The following PCNX2 variants were observed in gnomAD, a reference collection of about 807,000 sequenced individuals.
The protein encoded by PCNX2 is pecanex-like protein 2.
In PCNX2, 168 loss-of-function variants were observed where a neutral mutation model predicts 223.8. The ratio of observed to expected loss-of-function variants is 0.75; its 90% CI spans 0.66 to 0.85. The LOEUF (loss-of-function observed/expected upper bound fraction) is 0.85, where lower values mean the gene tolerates loss of function less well. PCNX2 is among the 40% of genes least tolerant of loss of function. The pLI, the probability that PCNX2 is intolerant of heterozygous loss-of-function variation, is 0.00. For synonymous variants in PCNX2, 1,006 were observed against 1,052.6 expected, an observed-to-expected ratio of 0.96 and a Z score of 0.86; for missense variants, 2,507 against 2,675.5, an observed-to-expected ratio of 0.94 and a Z score of 1.39.
chr1:233,257,142 C>A (rs1659776103), intron 5 of PCNX2, among the ~76,000 whole-genome samples: 1 of 152,042 alleles, frequency 6.6e-6, no homozygotes, highest in Non-Finnish European at 1.5e-5. Flanking sequence ...CATTAAGTAA[C>A]CTGAAAATAA....
chr1:233,119,644 G>T (rs1243000719), intron 21 of PCNX2, among the ~76,000 whole-genome samples: 1 of 151,158 alleles, frequency 6.6e-6, no homozygotes, highest in Non-Finnish European at 1.5e-5. Flanking sequence ...AATGGCTTAG[G>T]AAACAAACAA....
At chr1:233,109,747 A>C (rs1306855525) in intron 21 of PCNX2, among the ~76,000 whole-genome samples, 1 of 152,250 alleles carries the variant, frequency 6.6e-6, no homozygotes, top group African/African-American at 2.4e-5. Flanking sequence ...GAAGAGGAAG[A>C]GGGCAGAACA....
chr1:233,132,304 C>T (rs773834671), intron 21 of PCNX2, among the ~76,000 whole-genome samples: 1 of 152,140 alleles, frequency 6.6e-6, no homozygotes, highest in Non-Finnish European at 1.5e-5. Context: ...CCATTCTACA[C>T]AGGATGTCGC....
intron 9 of PCNX2, among the ~76,000 whole-genome samples, chr1:233,228,466 C>T (rs576930218): frequency 4.9e-4 from 75 of 152,280 alleles, no homozygotes; most frequent in Admixed American, 1.9e-3. Context: ...AACCTTTCAT[C>T]CTGCAAAACT....
chr1:233,019,652 G>T (rs887562376), intron 26 of PCNX2, among the ~76,000 whole-genome samples: 1 of 152,156 alleles, frequency 6.6e-6, no homozygotes, highest in African/African-American at 2.4e-5. Flanking sequence ...GTGGGACTCA[G>T]AGGGGAGGCA....
At chr1:233,052,952 C>G (rs996819318) in intron 25 of PCNX2, among the ~76,000 whole-genome samples, 2 of 151,844 alleles carry the variant, frequency 1.3e-5, no homozygotes, top group African/African-American at 4.8e-5. Context: ...TTCCACCTCC[C>G]AGTCTCTGGG....
intron 3 of PCNX2, 56 bp from the exon 4 acceptor site, chr1:233,261,377 C>T: frequency 6.5e-7 from 1 of 1,535,410 alleles, no homozygotes; most frequent in Non-Finnish European, 9.0e-7. Context: ...CGTCCATTTC[C>T]AGACAGTCGG....
chr1:233,258,452 G>A lies in PCNX2; in HGVS notation c.1410C>T (p.Tyr470=), dbSNP rs771369510. The stretch of plus-strand genomic sequence containing the variant: ...TGGCATTTCCCCCCTCCCCAGATCC[G>A]TAGCCAGAACACTGATTGGTGGATA... ...TRVSTNQCSG[Y]GSGEGGNAIK... Residue 470 remains tyrosine (Y), a synonymous_variant, in exon 5 of 34, where the codon TAC becomes TAT. Coordinates refer to ENST00000258229, the MANE Select transcript of PCNX2 (RefSeq NM_014801.4). The A allele has an allele frequency of 1.6e-5, 26 of 1,613,754 alleles. No homozygotes were observed. The South Asian group carries it at 1.8e-4, about 11-fold the overall frequency.
chr1:233,107,213 A>AC (rs201392808), intron 21 of PCNX2, among the ~76,000 whole-genome samples: 22,711 of 151,564 alleles, frequency 0.15, 1,730 homozygotes, highest in East Asian at 0.2. Context: ...ACACACACAC[A>AC]AAACCATGCA....
chr1:233,057,110 G>T, intron 24 of PCNX2, 122 bp downstream of exon 24: 1 of 869,338 alleles, frequency 1.2e-6, no homozygotes, highest in Non-Finnish European at 1.7e-6. Flanking sequence ...TCCACATTCA[G>T]CAGATTAACT....
intron 13 of PCNX2, among the ~76,000 whole-genome samples, chr1:233,205,946 G>A (rs187058795): frequency 6.6e-6 from 1 of 152,304 alleles, no homozygotes; most frequent in African/African-American, 2.4e-5. Flanking sequence ...AGTGTGGGTA[G>A]TGAGAGGATA....
chr1:233,239,131 A>C (rs57169955), intron 8 of PCNX2, among the ~76,000 whole-genome samples: 12,537 of 152,228 alleles, frequency 0.082, 1,333 homozygotes, highest in African/African-American at 0.25. Context: ...TTCACTACAA[A>C]CAAAAGATTA....
At chr1:233,306,176 A>C in the PCNX2 span, among the ~76,000 whole-genome samples, 1 of 152,362 alleles carries the variant, frequency 6.6e-6, no homozygotes, top group East Asian at 1.9e-4. Flanking sequence ...AAAGCGTTTT[A>C]TAATGATTAA....
chr1:232,999,556 C>T lies in PCNX2; in HGVS notation c.5329-177G>A, dbSNP rs1003560020. On this transcript the variant is annotated intron_variant, in intron 30 of 33. Transcript: ENST00000258229. The stretch of plus-strand genomic sequence containing the variant: ...GCAACCTCCGCCTCCCGGATTCAAG[C>T]AATTCTCTTGCCTCAGCCTCCCGAG... The T allele has an allele frequency of 6.7e-5, 45 of 667,726 alleles. No homozygotes were observed. The African/African-American group carries it at 7.4e-4, about 11-fold the overall frequency. 41.4% of individuals were successfully genotyped at this position (667,726 alleles called of 1,614,324 possible).
At chr1:233,092,044 C>T (rs988968826) in intron 22 of PCNX2, among the ~76,000 whole-genome samples, 32 of 152,178 alleles carry the variant, frequency 2.1e-4, no homozygotes, top group African/African-American at 7.5e-4. Flanking sequence ...CAAAACACAA[C>T]AAATTAGCTA....
At chr1:233,267,347 T>C (rs1196799632) in intron 1 of PCNX2, among the ~76,000 whole-genome samples, 2 of 152,144 alleles carry the variant, frequency 1.3e-5, no homozygotes, top group African/African-American at 2.4e-5. Flanking sequence ...AAAAAAACTT[T>C]TGTTTTACTG....
Position 233,014,667 on chromosome 1 carries a change from G to A in PCNX2, c.4950C>T (p.Ile1650=). 6.2e-7 allele frequency: 1 copy of A among 1,613,484 alleles called. No homozygotes were observed. The highest frequency in any genetic ancestry group is 1.3e-5 in the African/African-American group (1 of 75,046). Residue 1650 remains isoleucine, a splice_region_variant and synonymous_variant, in exon 28 of 34, where the codon ATC becomes ATT. Coordinates refer to ENST00000258229, the MANE Select transcript of PCNX2 (RefSeq NM_014801.4). ...ALGTAAHNMA[I]SLDSFLYGLH... The stretch of plus-strand genomic sequence containing the variant: ...TTCTAACTTCTCCCCCCAGGTACCT[G>A]ATGGCCATATTGTGAGCGGCTGTTC...
At chr1:233,132,160 GA>G (rs1490451554) in intron 21 of PCNX2, among the ~76,000 whole-genome samples, 1 of 151,974 alleles carries the variant, frequency 6.6e-6, no homozygotes, top group African/African-American at 2.4e-5. Context: ...GGCTGGTCTC[GA>G]ACTCCTGACC....
rs529143457 is a variant in PCNX2 at position 233,263,431 on chromosome 1, T to C, written c.154-268A>G. Among the ~76,000 whole-genome samples the C allele has an allele frequency of 2.6e-5, 4 of 151,148 alleles. No homozygotes were observed. The East Asian group carries it at 5.8e-4, about 22-fold the overall frequency. The stretch of plus-strand genomic sequence containing the variant: ...GGCAGGAACCCCACAGAACAAAAGA[T>C]ATATTCGAGGAAACCTCTCCATTTT... On this transcript the variant is annotated intron_variant, in intron 1 of 33. Coordinates refer to ENST00000258229, the MANE Select transcript of PCNX2 (RefSeq NM_014801.4).
Sources: gnomAD v4.1 joint callset for allele counts (sites outside exome capture counted in the v4.1 genomes callset) on GRCh38, gnomAD v4.1.1 for gene constraint, MANE v1.5 for transcripts, NCBI Gene and HGNC (gene_info 2026-07-23, HGNC 2026-07-21) for gene names.